NELL2: variants seen among roughly 807,000 people sequenced by gnomAD.
NELL2 encodes the protein neural EGFL like 2.
In NELL2, 41 loss-of-function variants were observed where a neutral mutation model predicts 109.6. The ratio of observed to expected loss-of-function variants is 0.37; its 90% CI spans 0.29 to 0.49. NELL2 has a LOEUF of 0.49. Ranked by LOEUF, NELL2 falls within the 20% of genes least tolerant of loss-of-function variation. The pLI is 0.98. For synonymous variants in NELL2, 355 were observed against 344.7 expected, an observed-to-expected ratio of 1.03 and a Z score of -0.33; for missense variants, 900 against 1,008.3, an observed-to-expected ratio of 0.89 and a Z score of 1.45.
At chr12:44,587,266 C>T (rs9795857) in intron 15 of NELL2, among the ~76,000 whole-genome samples, 49,442 of 84,520 alleles carry the variant, frequency 0.58, 12,405 homozygotes, top group East Asian at 0.77. Context: ...AGCAAGACTC[C>T]GTCTCAAAAA....
intron 2 of NELL2, among the ~76,000 whole-genome samples, chr12:44,836,699 C>G (rs1038243439): frequency 2.0e-5 from 3 of 152,162 alleles, no homozygotes; most frequent in Admixed American, 2.0e-4. Flanking sequence ...GAAACTTCCT[C>G]AAATTCAAAG....
At chr12:44,682,633 A>G (rs1415038631) in intron 12 of NELL2, among the ~76,000 whole-genome samples, 28 of 152,330 alleles carry the variant, frequency 1.8e-4, no homozygotes, top group African/African-American at 2.4e-5. Flanking sequence ...AGCTTTTTAC[A>G]TATGGCTACC....
At chr12:44,595,071 A>G (rs993973612) in intron 15 of NELL2, among the ~76,000 whole-genome samples, 1 of 152,238 alleles carries the variant, frequency 6.6e-6, no homozygotes, top group African/African-American at 2.4e-5. Flanking sequence ...CAAAAAGATC[A>G]TAATGAATAA....
chr12:44,901,344 A>T (rs908090336), intron 1 of NELL2, among the ~76,000 whole-genome samples: 9 of 152,192 alleles, frequency 5.9e-5, no homozygotes, highest in African/African-American at 2.2e-4. Flanking sequence ...CCAAGACTAA[A>T]CCAGGAAGAA....
chr12:44,597,691 A>G (rs1057205340), intron 15 of NELL2, among the ~76,000 whole-genome samples: 1 of 152,204 alleles, frequency 6.6e-6, no homozygotes, highest in Admixed American at 6.5e-5. Flanking sequence ...AAGCATGATG[A>G]CAAGCCCTAT....
At chr12:44,865,684 G>A (rs1944974170) in intron 2 of NELL2, among the ~76,000 whole-genome samples, 1 of 99,386 alleles carries the variant, frequency 1.0e-5, no homozygotes, top group Non-Finnish European at 2.0e-5. Context: ...GAGGGGGGAG[G>A]GATAGCATTG....
intron 16 of NELL2, among the ~76,000 whole-genome samples, chr12:44,525,052 C>T (rs1276826634): frequency 6.6e-6 from 1 of 152,104 alleles, no homozygotes; most frequent in South Asian, 2.1e-4. Flanking sequence ...AAAACATAAA[C>T]AAACCATAGT....
intron 1 of NELL2, among the ~76,000 whole-genome samples, chr12:44,901,377 T>C (rs1458319110): frequency 6.6e-6 from 1 of 152,064 alleles, no homozygotes; most frequent in Non-Finnish European, 1.5e-5. Context: ...AATATATCAA[T>C]AAAAAGTCCT....
chr12:44,562,857 C>T (rs140646669), intron 15 of NELL2, among the ~76,000 whole-genome samples: 331 of 152,314 alleles, frequency 2.2e-3, no homozygotes, highest in African/African-American at 7.2e-3. Context: ...ACTATAAAGA[C>T]ACATGCACAC....
chr12:44,715,606 A>C (rs889339683), intron 9 of NELL2, among the ~76,000 whole-genome samples: 1 of 151,994 alleles, frequency 6.6e-6, no homozygotes, highest in African/African-American at 2.4e-5. Context: ...TGCTGAACTA[A>C]GTTCTCCTTT....
rs1265412258 is a variant in NELL2, at chr12:44,805,564, T to TA, written c.335+10421dup. 2.0e-5 allele frequency among the ~76,000 whole-genome samples: 3 copies of TA among 151,998 alleles called. No individual in the cohort carries two copies. The East Asian group carries it at 5.8e-4, about 29-fold the overall frequency. On this transcript the variant is annotated intron_variant, in intron 3 of 19. Transcript: ENST00000429094. ...CACTGAATATCTACATCTAAGTAGA[T>TA]ACCTTAGATACCTACATCTAAGTCC...
intron 13 of NELL2, among the ~76,000 whole-genome samples, chr12:44,643,745 T>C (rs1372953743): frequency 6.6e-6 from 1 of 152,176 alleles, no homozygotes; most frequent in East Asian, 1.9e-4. Flanking sequence ...ATATGTGTAT[T>C]TGGTTTCCCC....
chr12:44,687,417 T>C (rs1008450589), intron 12 of NELL2, among the ~76,000 whole-genome samples: 23 of 152,226 alleles, frequency 1.5e-4, no homozygotes, highest in African/African-American at 5.3e-4. Flanking sequence ...TATTCGGCCA[T>C]CTTGGCTCCT....
chr12:44,717,908 G>A (rs1264521703), intron 9 of NELL2, among the ~76,000 whole-genome samples: 4 of 152,146 alleles, frequency 2.6e-5, no homozygotes, highest in Non-Finnish European at 5.9e-5. Context: ...GCTCCTGGGG[G>A]ACAGAGGACA....
intron 13 of NELL2, among the ~76,000 whole-genome samples, chr12:44,627,931 C>G (rs11182582): frequency 6.6e-6 from 1 of 152,054 alleles, no homozygotes; most frequent in African/African-American, 2.4e-5. Context: ...CTGGAAACCA[C>G]ACCAGAAGGC....
At chr12:44,762,137 TC>T (rs1427780689) in intron 9 of NELL2, among the ~76,000 whole-genome samples, 3 of 152,274 alleles carry the variant, frequency 2.0e-5, no homozygotes, top group Non-Finnish European at 2.9e-5. Flanking sequence ...TCCACTTTAG[TC>T]CTTTATTCCA....
At chr12:44,904,795 A>G (rs910893935) in intron 1 of NELL2, among the ~76,000 whole-genome samples, 16 of 152,116 alleles carry the variant, frequency 1.1e-4, no homozygotes, top group African/African-American at 3.9e-4. Context: ...TGTAAATATA[A>G]TCAAATTAAT....
chr12:44,880,968 C>T (rs761853415), upstream of NELL2: 1 of 151,902 alleles, frequency 6.6e-6, no homozygotes, highest in Non-Finnish European at 1.5e-5. Flanking sequence ...CTCAGACCAG[C>T]CAGGCAATGA....
At chr12:44,904,516 A>G (rs377450725) in intron 1 of NELL2, among the ~76,000 whole-genome samples, 16 of 152,298 alleles carry the variant, frequency 1.1e-4, no homozygotes, top group African/African-American at 3.6e-4. Context: ...AGATCAAAAA[A>G]CAAAACACAA....
Sources: allele counts gnomAD v4.1 joint callset (sites outside exome capture counted in the v4.1 genomes callset), GRCh38; gene constraint gnomAD v4.1.1; transcripts MANE v1.5; gene names NCBI Gene and HGNC (gene_info 2026-07-23, HGNC 2026-07-21).